EPC2: variants seen among roughly 807,000 people sequenced by gnomAD.
EPC2 encodes enhancer of polycomb 2.
A neutral mutation model predicts 92.1 loss-of-function variants in EPC2; 14 were observed. The observed-to-expected ratio is 0.15, with a 90% CI of 0.10 to 0.24. The LOEUF (loss-of-function observed/expected upper bound fraction) is 0.24. Ranked by LOEUF, EPC2 falls within the 10% of genes least tolerant of loss-of-function variation. The pLI is 1.00. For missense variants in EPC2, 755 were observed against 971.5 expected, an observed-to-expected ratio of 0.78 and a Z score of 2.96; for synonymous variants, 340 against 334.7, an observed-to-expected ratio of 1.02 and a Z score of -0.17.
At chr2:148,690,969 T>A (rs1384490437) in intron 2 of EPC2, among the ~76,000 whole-genome samples, 1 of 152,192 alleles carries the variant, frequency 6.6e-6, no homozygotes, top group African/African-American at 2.4e-5. Flanking sequence ...ACCTGAGATT[T>A]ACTTTTAAAG....
rs375199634 is a variant in EPC2, at chr2:148,694,023, C to G, written c.313+3650C>G. ...TCACTGCCTAGTACAGTACTTATAGCATGTGGTTAGGTGTGCAGTTAAATA... is the reference window on the plus strand; with the variant it reads ...TCACTGCCTAGTACAGTACTTATAGGATGTGGTTAGGTGTGCAGTTAAATA... On this transcript the variant is annotated intron_variant, in intron 2 of 13. Coordinates refer to ENST00000258484, the MANE Select transcript of EPC2 (RefSeq NM_015630.4). 8.6e-5 allele frequency among the ~76,000 whole-genome samples: 13 copies of G among 151,932 alleles called. No homozygotes were observed. In the East Asian group the frequency reaches 1.9e-3, roughly 23 times the overall value.
At chr2:148,696,719 T>G (rs924485127) in intron 2 of EPC2, among the ~76,000 whole-genome samples, 1 of 152,180 alleles carries the variant, frequency 6.6e-6, no homozygotes, top group African/African-American at 2.4e-5. Flanking sequence ...TTACCAAAGA[T>G]AGGCCTTCAG....
chr2:148,760,429 C>A (rs554893634), intron 4 of EPC2, among the ~76,000 whole-genome samples: 75 of 152,176 alleles, frequency 4.9e-4, no homozygotes, highest in Non-Finnish European at 1.1e-3. Context: ...ATCTGCCTTA[C>A]AATTCTGTAT....
chr2:148,733,990 T>C (rs1323823591), intron 2 of EPC2, among the ~76,000 whole-genome samples: 2 of 152,208 alleles, frequency 1.3e-5, no homozygotes, highest in Non-Finnish European at 2.9e-5. Flanking sequence ...AGAATCACTT[T>C]TCTTTTCCAA....
At chr2:148,720,155 A>G (rs956761240) in intron 2 of EPC2, among the ~76,000 whole-genome samples, 3 of 152,210 alleles carry the variant, frequency 2.0e-5, no homozygotes, top group Non-Finnish European at 2.9e-5. Flanking sequence ...CCTGGCTGGG[A>G]GGTCCCACTC....
intron 10 of EPC2, among the ~76,000 whole-genome samples, chr2:148,774,355 G>T (rs868832474): frequency 9.9e-5 from 15 of 152,112 alleles, no homozygotes; most frequent in Admixed American, 1.3e-4. Flanking sequence ...GGCCGGGCGT[G>T]GTGGCTCACG....
chr2:148,758,669 T>C (rs1007266875), intron 4 of EPC2, among the ~76,000 whole-genome samples: 1 of 152,210 alleles, frequency 6.6e-6, no homozygotes, highest in Non-Finnish European at 1.5e-5. Context: ...GTGCTGGGAT[T>C]GCAGGCATGA....
intron 1 of EPC2, among the ~76,000 whole-genome samples, chr2:148,685,113 T>C (rs1285638484): frequency 1.3e-5 from 2 of 152,170 alleles, no homozygotes; most frequent in East Asian, 1.9e-4. Flanking sequence ...GAGTTTCTTA[T>C]ATATTCTTGA....
intron 1 of EPC2, among the ~76,000 whole-genome samples, chr2:148,661,694 A>G (rs1403924693): frequency 1.4e-5 from 2 of 141,822 alleles, no homozygotes; most frequent in Admixed American, 7.7e-5. Flanking sequence ...TAATACATAT[A>G]TTATGTAATA....
At chr2:148,757,475 C>A (rs1346156008) in intron 4 of EPC2, among the ~76,000 whole-genome samples, 1 of 152,176 alleles carries the variant, frequency 6.6e-6, no homozygotes, top group Non-Finnish European at 1.5e-5. Flanking sequence ...GCTCTGTTCA[C>A]TGAGAGTCTC....
intron 1 of EPC2, among the ~76,000 whole-genome samples, chr2:148,683,557 C>T (rs1342669325): frequency 6.6e-6 from 1 of 152,134 alleles, no homozygotes; most frequent in Non-Finnish European, 1.5e-5. Flanking sequence ...TGAGCCACCA[C>T]ACCTGGCCCA....
chr2:148,673,069 C>A (rs1291262569), intron 1 of EPC2, among the ~76,000 whole-genome samples: 1 of 152,156 alleles, frequency 6.6e-6, no homozygotes, highest in East Asian at 1.9e-4. Flanking sequence ...TCTATGAGCT[C>A]TCCCTTGTAC....
chr2:148,645,066 C>T lies in EPC2; in HGVS notation c.49C>T (p.Leu17=). Residue 17 remains leucine, a synonymous_variant, in exon 1 of 14, where the codon CTG becomes TTG. Coordinates refer to ENST00000258484, the MANE Select transcript of EPC2 (RefSeq NM_015630.4). ...GCGGGCGCTGGACGCCGCCAAGCCG[C>T]TGCCTATCTACCGCGGCAAGGACAT... ...RARALDAAKP[L]PIYRGKDMPD... 6.3e-7 allele frequency: 1 copy of T among 1,579,662 alleles called. No homozygotes were observed. Among genetic ancestry groups the T allele is most frequent in the Non-Finnish European group, 8.6e-7 (1 of 1,161,416 alleles).
intron 2 of EPC2, among the ~76,000 whole-genome samples, chr2:148,735,066 T>C (rs1682724394): frequency 6.6e-6 from 1 of 152,094 alleles, no homozygotes; most frequent in Non-Finnish European, 1.5e-5. Context: ...CCTATTCTTA[T>C]TGATGGACAT....
intron 1 of EPC2, among the ~76,000 whole-genome samples, chr2:148,668,805 T>G (rs1045377005): frequency 2.6e-5 from 4 of 152,180 alleles, no homozygotes; most frequent in African/African-American, 4.8e-5. Flanking sequence ...GCTAGAGGTT[T>G]ATCAATTTTA....
At chr2:148,671,638 G>C (rs1681157519) in intron 1 of EPC2, among the ~76,000 whole-genome samples, 1 of 151,946 alleles carries the variant, frequency 6.6e-6, no homozygotes, top group Non-Finnish European at 1.5e-5. Flanking sequence ...TCTTTTCTAT[G>C]GTCATATTTA....
rs115206483 is a variant in EPC2 at position 148,696,159 on chromosome 2, T to G, written c.313+5786T>G. Reference sequence around the variant, plus strand: ...CTCCAAACCTAGAAGATAATAGATATGAAAGGAGGCCAGGCACAGTGGCTC... The same window carrying G: ...CTCCAAACCTAGAAGATAATAGATAGGAAAGGAGGCCAGGCACAGTGGCTC... On this transcript the variant is annotated intron_variant, in intron 2 of 13. Transcript: ENST00000258484. Among the ~76,000 whole-genome samples, 1,094 of 152,232 alleles carry G rather than the reference T, an allele frequency of 7.2e-3. 6 individuals carry two copies. Among genetic ancestry groups the G allele is most frequent in the African/African-American group, 0.025 (1,028 of 41,538 alleles).
At chr2:148,691,513 T>G (rs1481996523) in intron 2 of EPC2, 1 of 1,549,620 alleles carries the variant, frequency 6.5e-7, no homozygotes, top group African/African-American at 1.4e-5. Flanking sequence ...TTTCATTGAT[T>G]CTGAGATGCA....
At chr2:148,781,505 A>G (rs1683747785) in intron 10 of EPC2, 139 bp from the exon 11 acceptor site, 1 of 800,462 alleles carries the variant, frequency 1.2e-6, no homozygotes, top group African/African-American at 1.8e-5. Flanking sequence ...CATTTTCATT[A>G]GATTATTTTC....
Sources: gnomAD v4.1 joint callset for allele counts (sites outside exome capture counted in the v4.1 genomes callset) on GRCh38, gnomAD v4.1.1 for gene constraint, MANE v1.5 for transcripts, NCBI Gene and HGNC (gene_info 2026-07-23, HGNC 2026-07-21) for gene names.